The following RNF122 variants were observed in gnomAD, a reference collection of about 807,000 sequenced individuals.
The protein encoded by RNF122 is ring finger protein 122.
RNF122 carries 17 observed loss-of-function variants against 24.2 expected under a neutral mutation model. The ratio of observed to expected loss-of-function variants is 0.70; its 90% CI spans 0.48 to 1.06. RNF122 has a LOEUF of 1.06. Among genes scored for constraint, RNF122 ranks in the 50% least tolerant of loss-of-function variants. The pLI is 0.00. For missense variants in RNF122, 168 were observed against 198.1 expected, an observed-to-expected ratio of 0.85 and a Z score of 0.91; for synonymous variants, 65 against 71.8, an observed-to-expected ratio of 0.91 and a Z score of 0.48.
Position 33,567,077 on chromosome 8 carries a change from C to T in RNF122, c.-354G>A, listed in dbSNP as rs1296637621. ...GAGGGAAAAACCTTTGCCGGAGGCT[C>T]GGATCGGGTTCAGCGGCGCAGAGGT... On this transcript the variant is annotated 5_prime_UTR_variant, in exon 1 of 6. Coordinates refer to ENST00000256257, the MANE Select transcript of RNF122 (RefSeq NM_024787.3). The T allele has an allele frequency of 2.8e-5, 10 of 351,116 alleles. No homozygotes were observed. In the East Asian group the frequency reaches 3.9e-4, roughly 14 times the overall value. 21.8% of individuals were successfully genotyped at this position (351,116 alleles called of 1,614,324 possible). A position where few individuals can be genotyped will look rare whatever the true frequency, so the allele number is the denominator to read the frequency against.
chr8:33,566,763 A>G lies in RNF122; in HGVS notation c.-40T>C, dbSNP rs1032558935. 7.5e-6 allele frequency: 12 copies of G among 1,591,974 alleles called. No individual in the cohort carries two copies. The Admixed American group carries it at 2.0e-4, about 26-fold the overall frequency. ...TTGGCTTCCTCGGGCGAACGGACGC[A>G]GGCGGGGTGCCAGGAGGGCGGGGTG... On this transcript the variant is annotated 5_prime_UTR_variant, in exon 1 of 6. Transcript: ENST00000256257.
At chr8:33,558,262 C>G (rs781315998) in intron 2 of RNF122, among the ~76,000 whole-genome samples, 1 of 152,012 alleles carries the variant, frequency 6.6e-6, no homozygotes, top group Non-Finnish European at 1.5e-5. Context: ...TGTTCCCGAC[C>G]ACCCAAAGGG....
intron 1 of RNF122, 36 bp from the exon 2 acceptor site, chr8:33,558,807 G>C (rs182749788): frequency 6.6e-7 from 1 of 1,507,224 alleles, no homozygotes; most frequent in East Asian, 2.3e-5. Flanking sequence ...ATTAGGGTTG[G>C]AAATTTACTG....
rs76278492 is a variant in RNF122, at chr8:33,552,100, G to A, written c.183-711C>T. Among the ~76,000 whole-genome samples the A allele has an allele frequency of 9.4e-3, 1,428 of 152,180 alleles. 23 individuals carry two copies. Among genetic ancestry groups the A allele is most frequent in the African/African-American group, 0.033 (1,368 of 41,532 alleles). ...CAAACTCCAAGAGTGAGATACCTTCGCTTTTACAGATAAGAAAAATAAAGC... is the reference window on the plus strand; with the variant it reads ...CAAACTCCAAGAGTGAGATACCTTCACTTTTACAGATAAGAAAAATAAAGC... On this transcript the variant is annotated intron_variant, in intron 2 of 5. Coordinates refer to ENST00000256257, the MANE Select transcript of RNF122 (RefSeq NM_024787.3).
chr8:33,558,800 AG>A (rs752670899), intron 1 of RNF122, 29 bp from the exon 2 acceptor site: 4 of 1,522,182 alleles, frequency 2.6e-6, no homozygotes, highest in Non-Finnish European at 1.8e-6. Context: ...AAAAATCATT[AG>A]GGTTGGAAAT....
chr8:33,560,566 TGAGGGGGG>T (rs1810525831), intron 1 of RNF122, among the ~76,000 whole-genome samples: 1 of 150,712 alleles, frequency 6.6e-6, no homozygotes, highest in Non-Finnish European at 1.5e-5. Flanking sequence ...TTTTTTTTTG[TGAGGGGGG>T]TCATGTCTCT....
At chr8:33,555,097 A>G (rs1483456420) in intron 2 of RNF122, among the ~76,000 whole-genome samples, 1 of 152,216 alleles carries the variant, frequency 6.6e-6, no homozygotes, top group East Asian at 1.9e-4. Flanking sequence ...CAGGGTGACG[A>G]AGGAGATTAC....
At chr8:33,566,581 C>T in intron 1 of RNF122, 118 bp downstream of exon 1, 1 of 1,052,884 alleles carries the variant, frequency 9.5e-7, no homozygotes, top group Non-Finnish European at 1.4e-6. Flanking sequence ...TCGACTGTCC[C>T]ATTTCAGGAG....
rs1032728362 is a variant in RNF122, at chr8:33,566,790, GA to G, written c.-68del. On this transcript the variant is annotated 5_prime_UTR_variant, in exon 1 of 6. Transcript: ENST00000256257. The stretch of plus-strand genomic sequence containing the variant: ...GCGGGGTGCCAGGAGGGCGGGGTGG[GA>G]GCACTAGCGGCGTGAGGGGCCGCAG... 4.5e-6 allele frequency: 7 copies of G among 1,554,160 alleles called. No homozygotes were observed. In the African/African-American group the frequency reaches 9.5e-5, roughly 21 times the overall value.
chr8:33,551,264 G>C, intron 3 of RNF122, 80 bp downstream of exon 3: 1 of 1,557,244 alleles, frequency 6.4e-7, no homozygotes. Context: ...CTGCCCAGGA[G>C]AACCTGAGCC....
chr8:33,565,502 G>A (rs565263546), intron 1 of RNF122, among the ~76,000 whole-genome samples: 12 of 152,146 alleles, frequency 7.9e-5, no homozygotes, highest in African/African-American at 2.9e-4. Context: ...TAGGACCCCA[G>A]GAGGACTGGA....
chr8:33,563,967 T>G (rs1387093406), intron 1 of RNF122, among the ~76,000 whole-genome samples: 2 of 152,080 alleles, frequency 1.3e-5, no homozygotes, highest in African/African-American at 4.8e-5. Flanking sequence ...CCCCTTTATC[T>G]CCCACTGATT....
At chr8:33,566,194 C>G (rs1361431994) in intron 1 of RNF122, among the ~76,000 whole-genome samples, 1 of 152,182 alleles carries the variant, frequency 6.6e-6, no homozygotes, top group Non-Finnish European at 1.5e-5. Flanking sequence ...GCACCCAAGC[C>G]ACGCCAGCAG....
intron 1 of RNF122, among the ~76,000 whole-genome samples, chr8:33,560,167 C>A (rs918779398): frequency 6.6e-6 from 1 of 151,960 alleles, no homozygotes; most frequent in Non-Finnish European, 1.5e-5. Flanking sequence ...ACAAGCTCCT[C>A]AGGTGATTCC....
chr8:33,551,155 C>G (rs995551217), intron 3 of RNF122, 70 bp from the exon 4 acceptor site: 1 of 1,567,436 alleles, frequency 6.4e-7, no homozygotes, highest in Non-Finnish European at 8.8e-7. Flanking sequence ...TAGTATCAAC[C>G]AATGAAGGGA....
chr8:33,551,260 A>G (rs771741772), intron 3 of RNF122, 84 bp downstream of exon 3: 89 of 1,554,630 alleles, frequency 5.7e-5, no homozygotes, highest in Non-Finnish European at 7.6e-5. Context: ...ATTCCTGCCC[A>G]GGAGAACCTG....
At chr8:33,555,226 G>T (rs977581249) in intron 2 of RNF122, among the ~76,000 whole-genome samples, 2 of 151,950 alleles carry the variant, frequency 1.3e-5, no homozygotes, top group African/African-American at 2.4e-5. Flanking sequence ...TTTTGAGAGG[G>T]AGTTTCACTC....
chr8:33,562,983 C>T (rs985258801), intron 1 of RNF122, among the ~76,000 whole-genome samples: 5 of 151,904 alleles, frequency 3.3e-5, no homozygotes, highest in Non-Finnish European at 7.4e-5. Flanking sequence ...CCCAGTTACT[C>T]GGGAGGCTGG....
intron 1 of RNF122, among the ~76,000 whole-genome samples, chr8:33,562,538 CA>C (rs33948081): frequency 1.8e-3 from 232 of 130,988 alleles, no homozygotes; most frequent in African/African-American, 4.7e-3. Context: ...GACCTTGTCT[CA>C]AAAAAAAAAA....
Sources: gnomAD v4.1 joint callset for allele counts (sites outside exome capture counted in the v4.1 genomes callset) on GRCh38, gnomAD v4.1.1 for gene constraint, MANE v1.5 for transcripts, NCBI Gene and HGNC (gene_info 2026-07-23, HGNC 2026-07-21) for gene names.